The following ZBTB16 variants were observed in gnomAD, a reference collection of about 807,000 sequenced individuals.
ZBTB16 encodes zinc finger and BTB domain-containing protein 16.
Under a neutral mutation model 56.8 loss-of-function variants are expected in ZBTB16, and 8 were observed. That is an observed-to-expected ratio of 0.14 (90% CI 0.08 to 0.25). The LOEUF (loss-of-function observed/expected upper bound fraction) is 0.25. Among genes scored for constraint, ZBTB16 ranks in the 10% least tolerant of loss-of-function variants. The pLI, the probability that ZBTB16 is intolerant of heterozygous loss-of-function variation, is 1.00. For synonymous variants in ZBTB16, 363 were observed against 368.5 expected, an observed-to-expected ratio of 0.98 and a Z score of 0.17; for missense variants, 625 against 903.0, an observed-to-expected ratio of 0.69 and a Z score of 3.95.
In ZBTB16 at chr11:114,156,387, G is replaced by A. The variant is rs797011179; in HGVS notation, c.1319G>A (p.Arg440Gln). 4 of 1,614,194 alleles carry A rather than the reference G, an allele frequency of 2.5e-6. No homozygotes were observed. The highest frequency in any genetic ancestry group is 2.5e-6 in the Non-Finnish European group (3 of 1,180,036). ...TACGGGTGCGAGCTCTGCGGGAAGC[G>A]GTTCCTGGATAGTTTGCGGCTGAGA... ...KTYGCELCGKRFLDSLRLRMH... is the reference protein window; with the variant it reads ...KTYGCELCGKQFLDSLRLRMH... Residue 440 changes from arginine (R) to glutamine (Q), a missense_variant, in exon 3 of 7, where the codon CGG becomes CAG. This residue lies in a region of ZBTB16 where 140 missense variants were observed against 214.8 expected (regional missense o/e 0.65). Coordinates refer to ENST00000335953, the MANE Select transcript of ZBTB16 (RefSeq NM_006006.6).
chr11:114,255,585 C>G lies in ZBTB16; in HGVS notation c.*5030C>G, dbSNP rs1452548411. On this transcript the variant is annotated 3_prime_UTR_variant, in exon 7 of 7. Transcript: ENST00000335953. ...GCCCACTTCCCCGAGTTGTGCTTGC[C>G]GCTCCTTATCTGTTCTAGTTCCGAA... Among the ~76,000 whole-genome samples, 2 of 151,818 alleles carry G rather than the reference C, an allele frequency of 1.3e-5. No homozygotes were observed. Among genetic ancestry groups the G allele is most frequent in the Non-Finnish European group, 1.5e-5 (1 of 67,994 alleles).
Position 114,105,341 on chromosome 11 carries a change from A to G in ZBTB16, c.1268+40773A>G, listed in dbSNP as rs1220990194. 3.3e-5 allele frequency among the ~76,000 whole-genome samples: 5 copies of G among 152,038 alleles called. 1 individual carries two copies. In the East Asian group the frequency reaches 7.7e-4, roughly 24 times the overall value. On this transcript the variant is annotated intron_variant, in intron 2 of 6. Coordinates refer to ENST00000335953, the MANE Select transcript of ZBTB16 (RefSeq NM_006006.6). ...CTGCAACTTCCACCTCCTGGGTCCA[A>G]GCAATTCTCCTGCCTCAGCCTCCCA...
chr11:114,075,973 G>C (rs1939546749), intron 2 of ZBTB16, among the ~76,000 whole-genome samples: 1 of 152,134 alleles, frequency 6.6e-6, no homozygotes, highest in Non-Finnish European at 1.5e-5. Context: ...TTCTTGAGGG[G>C]AACTTTTCTG....
chr11:114,134,765 A>G (rs951554149), intron 2 of ZBTB16, among the ~76,000 whole-genome samples: 3 of 152,182 alleles, frequency 2.0e-5, no homozygotes, highest in Non-Finnish European at 4.4e-5. Flanking sequence ...CTGTGAAGTC[A>G]TTTTTTTTAA....
chr11:114,138,574 A>G (rs1941859629), intron 2 of ZBTB16, among the ~76,000 whole-genome samples: 1 of 150,328 alleles, frequency 6.7e-6, no homozygotes, highest in Non-Finnish European at 1.5e-5. Context: ...GTTTCTTTGA[A>G]TCTCTCTGTG....
intron 2 of ZBTB16, among the ~76,000 whole-genome samples, chr11:114,131,553 T>C (rs1030946472): frequency 6.6e-6 from 1 of 152,132 alleles, no homozygotes; most frequent in African/African-American, 2.4e-5. Flanking sequence ...CAGATGGCCC[T>C]CCAGTGAATG....
At chr11:114,183,266 T>C (rs1943291956) in intron 3 of ZBTB16, among the ~76,000 whole-genome samples, 1 of 152,198 alleles carries the variant, frequency 6.6e-6, no homozygotes, top group African/African-American at 2.4e-5. Context: ...GTGTCGTGAC[T>C]TCAGCGAGGT....
chr11:114,068,997 A>G (rs572885545), intron 2 of ZBTB16, among the ~76,000 whole-genome samples: 4 of 152,172 alleles, frequency 2.6e-5, no homozygotes, highest in Admixed American at 1.3e-4. Flanking sequence ...CAGAGGCACA[A>G]TGGGGTCTGG....
At position 114,131,530 on chromosome 11, in the gene ZBTB16, G is replaced by A. The variant is rs545091518; in HGVS notation, c.1269-24807G>A. On this transcript the variant is annotated intron_variant, in intron 2 of 6. Coordinates refer to ENST00000335953, the MANE Select transcript of ZBTB16 (RefSeq NM_006006.6). The stretch of plus-strand genomic sequence containing the variant: ...GGGAAGCCTGCCAGTTTGCAGATAG[G>A]CAGGCCTGTCCCCAGATGGCCCTCC... 1.4e-3 allele frequency among the ~76,000 whole-genome samples: 214 copies of A among 152,260 alleles called. 1 individual carries two copies. Among genetic ancestry groups the A allele is most frequent in the Non-Finnish European group, 1.9e-3 (132 of 68,022 alleles).
rs984885844 is a variant in ZBTB16, at chr11:114,256,142, T to C, written c.*5587T>C. Among the ~76,000 whole-genome samples, 3 of 152,122 alleles carry C rather than the reference T, an allele frequency of 2.0e-5. No homozygotes were observed. Among genetic ancestry groups the C allele is most frequent in the Admixed American group, 6.5e-5 (1 of 15,272 alleles). ...TATTACACATATTTAGACTTATCTATGTGTCACTTTTATGCCACATTTACA... is the reference window on the plus strand; with the variant it reads ...TATTACACATATTTAGACTTATCTACGTGTCACTTTTATGCCACATTTACA... On this transcript the variant is annotated 3_prime_UTR_variant, in exon 7 of 7. Transcript: ENST00000335953.
At chr11:114,233,241 A>C (rs757559865) in intron 4 of ZBTB16, among the ~76,000 whole-genome samples, 1 of 151,894 alleles carries the variant, frequency 6.6e-6, no homozygotes, top group Non-Finnish European at 1.5e-5. Flanking sequence ...AAGAAGAAGG[A>C]GCTGCTGGGG....
intron 2 of ZBTB16, among the ~76,000 whole-genome samples, chr11:114,141,063 T>G (rs997838521): frequency 6.6e-6 from 1 of 152,074 alleles, no homozygotes; most frequent in Non-Finnish European, 1.5e-5. Flanking sequence ...CTCTACCGCC[T>G]CCGCAGGCTC....
chr11:114,120,143 A>G (rs543229121), intron 2 of ZBTB16, among the ~76,000 whole-genome samples: 1 of 152,226 alleles, frequency 6.6e-6, no homozygotes, highest in African/African-American at 2.4e-5. Context: ...GGGAGAGGAG[A>G]TGGGACTCTA....
chr11:114,148,439 C>CTG (rs1373922472), intron 2 of ZBTB16, among the ~76,000 whole-genome samples: 24 of 86,756 alleles, frequency 2.8e-4, no homozygotes, highest in South Asian at 1.6e-3. Context: ...CTCTCTCTTT[C>CTG]TCTCTCTCTG....
At chr11:114,101,477 AG>A (rs1320463498) in intron 2 of ZBTB16, among the ~76,000 whole-genome samples, 2 of 152,278 alleles carry the variant, frequency 1.3e-5, no homozygotes, top group Admixed American at 6.5e-5. Flanking sequence ...GTATTTAACC[AG>A]GTTTTTTGTG....
intron 2 of ZBTB16, among the ~76,000 whole-genome samples, chr11:114,134,473 G>A (rs1484685661): frequency 3.3e-5 from 5 of 152,184 alleles, no homozygotes; most frequent in African/African-American, 9.7e-5. Flanking sequence ...CTCTTAAGAT[G>A]TGAGGGTAAG....
chr11:114,104,513 C>T (rs1268522169), intron 2 of ZBTB16, among the ~76,000 whole-genome samples: 1 of 152,194 alleles, frequency 6.6e-6, no homozygotes, highest in Non-Finnish European at 1.5e-5. Flanking sequence ...AGCCAGCAGT[C>T]AGCACTGGGG....
intron 4 of ZBTB16, among the ~76,000 whole-genome samples, chr11:114,205,131 C>G (rs1417440002): frequency 6.6e-6 from 1 of 152,036 alleles, no homozygotes; most frequent in African/African-American, 2.4e-5. Context: ...AAATTTCGGC[C>G]GGGCGCGGTG....
rs951607124 is a variant in ZBTB16 at position 114,168,060 on chromosome 11, CTATT to C, written c.1366+11632_1366+11635del. On this transcript the variant is annotated intron_variant, in intron 3 of 6. Coordinates refer to ENST00000335953, the MANE Select transcript of ZBTB16 (RefSeq NM_006006.6). ...ACCTGTCACCTTCTTTGTTACATAG[CTATT>C]TATTTGCTTGGCCTTTTTTGCCTAC... Among the ~76,000 whole-genome samples the C allele has an allele frequency of 1.8e-4, 27 of 152,198 alleles. 1 individual carries two copies. The highest frequency in any genetic ancestry group is 1.5e-5 in the Non-Finnish European group (1 of 68,036).
Sources: allele counts gnomAD v4.1 joint callset (sites outside exome capture counted in the v4.1 genomes callset), GRCh38; gene constraint gnomAD v4.1.1; regional missense constraint gnomAD v4.1.1; transcripts MANE v1.5; gene names NCBI Gene and HGNC (gene_info 2026-07-23, HGNC 2026-07-21).